The following SEPTIN9 variants were observed in gnomAD, a reference collection of about 807,000 sequenced individuals.
SEPTIN9 encodes the protein septin 9, also known as septin-9.
In SEPTIN9, 13 loss-of-function variants were observed where a neutral mutation model predicts 56.6. The ratio of observed to expected loss-of-function variants is 0.23; its 90% CI spans 0.15 to 0.37. SEPTIN9 has a LOEUF of 0.37. SEPTIN9 is among the 10% of genes least tolerant of loss of function. The pLI, the probability that SEPTIN9 is intolerant of heterozygous loss-of-function variation, is 1.00. For synonymous variants in SEPTIN9, 332 were observed against 334.1 expected (o/e 0.99, Z 0.07); for missense variants, 650 against 823.1 (o/e 0.79, Z 2.57).
chr17:77,332,678 C>G (rs530929012), intron 2 of SEPTIN9, among the ~76,000 whole-genome samples: 1 of 152,334 alleles, frequency 6.6e-6, no homozygotes, highest in Non-Finnish European at 1.5e-5. Flanking sequence ...TCATGCCCCT[C>G]CAGGTGCATC....
Position 77,428,914 on chromosome 17 carries a change from T to G in SEPTIN9, c.721+26211T>G, listed in dbSNP as rs1486110275. 7.0e-6 allele frequency: 3 copies of G among 426,310 alleles called. No individual in the cohort carries two copies. In the East Asian group the frequency reaches 2.2e-4, roughly 31 times the overall value. The allele number at this position is 426,310 out of a possible 1,614,324, so 26.4% of individuals were successfully genotyped here. A position where few individuals can be genotyped will look rare whatever the true frequency, so the allele number is the denominator to read the frequency against. On this transcript the variant is annotated intron_variant, in intron 3 of 11. Transcript: ENST00000427177. ...TCATCGTATGTAAATTGGGGACAAA[T>G]TTGGGGATTTAATGATATAATGTAA...
chr17:77,468,176 A>G (rs1180214581), intron 3 of SEPTIN9, among the ~76,000 whole-genome samples: 1 of 152,158 alleles, frequency 6.6e-6, no homozygotes, highest in African/African-American at 2.4e-5. Context: ...GAGGCAGGAG[A>G]ATGGCGTGAA....
chr17:77,480,056 G>T (rs1469501983), intron 3 of SEPTIN9, among the ~76,000 whole-genome samples: 1 of 152,204 alleles, frequency 6.6e-6, no homozygotes, highest in Non-Finnish European at 1.5e-5. Context: ...AAGGCTTCCA[G>T]GCTGCGTGGC....
chr17:77,339,122 C>T (rs781053570), intron 2 of SEPTIN9, among the ~76,000 whole-genome samples: 7 of 152,128 alleles, frequency 4.6e-5, no homozygotes, highest in South Asian at 2.1e-4. Flanking sequence ...AGTCTTAAAC[C>T]GCTCATCCAT....
rs115053166 is a variant in SEPTIN9 at position 77,444,445 on chromosome 17, G to A, written c.722-37699G>A. Among the ~76,000 whole-genome samples, 1,172 of 151,968 alleles carry A rather than the reference G, an allele frequency of 7.7e-3. 17 individuals are homozygous for A. Among genetic ancestry groups the A allele is most frequent in the African/African-American group, 0.027 (1,122 of 41,406 alleles). On this transcript the variant is annotated intron_variant, in intron 3 of 11. Coordinates refer to ENST00000427177, the MANE Select transcript of SEPTIN9 (RefSeq NM_001113491.2). ...TTGAGACACCGGGAAGAAACAGCCA[G>A]TAGGACTTTGGTGAGAGGGCTGGGG... is the stretch of plus-strand genomic sequence containing the variant.
intron 3 of SEPTIN9, among the ~76,000 whole-genome samples, chr17:77,438,587 A>C (rs1299334275): frequency 1.3e-5 from 2 of 152,180 alleles, no homozygotes; most frequent in African/African-American, 4.8e-5. Flanking sequence ...GTGCAGTGGG[A>C]GAGGCTTGGA....
At chr17:77,366,309 C>G (rs2034569416) in intron 2 of SEPTIN9, among the ~76,000 whole-genome samples, 1 of 152,094 alleles carries the variant, frequency 6.6e-6, no homozygotes, top group African/African-American at 2.4e-5. Flanking sequence ...AGACTTTAGC[C>G]ATTTCACGAC....
intron 2 of SEPTIN9, among the ~76,000 whole-genome samples, chr17:77,331,631 G>T (rs1258026522): frequency 6.6e-6 from 1 of 152,196 alleles, no homozygotes; most frequent in Non-Finnish European, 1.5e-5. Flanking sequence ...TGCGGGGTTT[G>T]CATTTTCACT....
chr17:77,321,851 G>A (rs1567992646), intron 2 of SEPTIN9, among the ~76,000 whole-genome samples: 1 of 152,226 alleles, frequency 6.6e-6, no homozygotes. Context: ...GTTTGAGCTC[G>A]GGGGCTCAGG....
chr17:77,484,676 A>AT (rs1240955141), intron 4 of SEPTIN9, among the ~76,000 whole-genome samples: 36 of 94,818 alleles, frequency 3.8e-4, no homozygotes, highest in African/African-American at 1.4e-3. Context: ...GATGGTGGTG[A>AT]TGTGGGTGGT....
chr17:77,451,666 C>A lies in SEPTIN9; in HGVS notation c.722-30478C>A. On this transcript the variant is annotated intron_variant, in intron 3 of 11. Coordinates refer to ENST00000427177, the MANE Select transcript of SEPTIN9 (RefSeq NM_001113491.2). The surrounding 1 kb of genome is among the most constrained non-coding windows in gnomAD (Gnocchi z 4.2). ...GCTGTCCCTGGGCCCCGGCCCGAGG[C>A]CGGCAGGACCGAGCGGGGTCCCCAG... 1 of 602,298 alleles carries A rather than the reference C, an allele frequency of 1.7e-6. No homozygotes were observed. 37.3% of individuals were successfully genotyped at this position (602,298 alleles called of 1,614,324 possible). A position where few individuals can be genotyped will look rare whatever the true frequency, so the allele number is the denominator to read the frequency against.
In SEPTIN9 at chr17:77,445,103, C is replaced by G; in HGVS notation, c.722-37041C>G. On this transcript the variant is annotated intron_variant, in intron 3 of 11. Transcript: ENST00000427177. The surrounding 1 kb of genome is among the most constrained non-coding windows in gnomAD (Gnocchi z 4.7). ...TCCCACCATGCCTGCCTGGGGACGGCCTTCACTCGGGCTACTCAGGGTTTC... is the reference window on the plus strand; with the variant it reads ...TCCCACCATGCCTGCCTGGGGACGGGCTTCACTCGGGCTACTCAGGGTTTC... The G allele has an allele frequency of 2.2e-6, 1 of 456,664 alleles. No homozygotes were observed. Among genetic ancestry groups the G allele is most frequent in the Non-Finnish European group, 4.6e-6 (1 of 217,806 alleles). 28.3% of individuals were successfully genotyped at this position (456,664 alleles called of 1,614,324 possible).
chr17:77,406,151 T>C (rs1395904261), intron 3 of SEPTIN9, among the ~76,000 whole-genome samples: 1 of 152,188 alleles, frequency 6.6e-6, no homozygotes, highest in Non-Finnish European at 1.5e-5. Context: ...TGCTGAGATC[T>C]CTTCCCGTGC....
chr17:77,352,405 T>TCAAAAA (rs57563817), intron 2 of SEPTIN9, among the ~76,000 whole-genome samples: 77,681 of 147,366 alleles, frequency 0.53, 20,930 homozygotes, highest in Admixed American at 0.55. Context: ...AGACTCCGTC[T>TCAAAAA]CAAAAACAAA....
intron 2 of SEPTIN9, among the ~76,000 whole-genome samples, chr17:77,385,886 T>C (rs2035318762): frequency 6.6e-6 from 1 of 152,202 alleles, no homozygotes; most frequent in Admixed American, 6.5e-5. Context: ...CCAAGGCCCC[T>C]GCGGCTGTGC....
chr17:77,490,739 C>T lies in SEPTIN9; in HGVS notation c.1263-3C>T, dbSNP rs368091658. ...GAGCCTCACGCACATCCCTCTGCTT[C>T]AGCCTCAGGCCCCTGGACATCGAGT... On this transcript the variant is annotated splice_region_variant and splice_polypyrimidine_tract_variant and intron_variant, in intron 7 of 11. Coordinates refer to ENST00000427177, the MANE Select transcript of SEPTIN9 (RefSeq NM_001113491.2). 19 of 1,562,510 alleles carry T rather than the reference C, an allele frequency of 1.2e-5. No individual in the cohort carries two copies. Among genetic ancestry groups the T allele is most frequent in the African/African-American group, 8.1e-5 (6 of 73,764 alleles).
chr17:77,415,802 A>G (rs11658267), intron 3 of SEPTIN9, among the ~76,000 whole-genome samples: 56,567 of 152,030 alleles, frequency 0.37, 11,067 homozygotes, highest in African/African-American at 0.42. Flanking sequence ...GTGCGGAGGC[A>G]TAAGGAGCAA....
chr17:77,460,692 T>G (rs1436095441), intron 3 of SEPTIN9, among the ~76,000 whole-genome samples: 1 of 152,126 alleles, frequency 6.6e-6, no homozygotes, highest in Admixed American at 6.5e-5. Context: ...TGAGCAGCCC[T>G]GGCCCCTGGA....
intron 1 of SEPTIN9, among the ~76,000 whole-genome samples, chr17:77,293,333 T>G (rs546346919): frequency 5.6e-4 from 86 of 152,238 alleles, no homozygotes; most frequent in Non-Finnish European, 1.0e-3. Context: ...TTTGTATTTT[T>G]TGTGTGTGTG....
Sources: allele counts gnomAD v4.1 joint callset (sites outside exome capture counted in the v4.1 genomes callset), GRCh38; gene constraint gnomAD v4.1.1; non-coding constraint Gnocchi (gnomAD v3.1); transcripts MANE v1.5; gene names NCBI Gene and HGNC (gene_info 2026-07-23, HGNC 2026-07-21).